CECR2: variants seen among roughly 807,000 people sequenced by gnomAD.
CECR2 encodes chromatin remodeling regulator CECR2.
In CECR2, 30 loss-of-function variants were observed where a neutral mutation model predicts 154.5. The observed-to-expected ratio is 0.19, with a 90% CI of 0.15 to 0.26. The LOEUF (loss-of-function observed/expected upper bound fraction) is 0.26. CECR2 is among the 10% of genes least tolerant of loss of function. The probability of loss-of-function intolerance (pLI) is 1.00; values close to 1 mark genes in which losing one functional copy is unlikely to be tolerated. For synonymous variants in CECR2, 725 were observed against 683.7 expected (o/e 1.06, Z -0.94); for missense variants, 1,743 against 1,829.3 (o/e 0.95, Z 0.86).
intron 1 of CECR2, among the ~76,000 whole-genome samples, chr22:17,453,604 A>G (rs1330547524): frequency 2.6e-5 from 4 of 152,210 alleles, no homozygotes; most frequent in African/African-American, 9.7e-5. Context: ...AGAATAGTTT[A>G]TTACTGTATA....
At chr22:17,455,973 G>A (rs1165499863) in intron 1 of CECR2, among the ~76,000 whole-genome samples, 1 of 152,150 alleles carries the variant, frequency 6.6e-6, no homozygotes, top group African/African-American at 2.4e-5. Context: ...TCTCATATCA[G>A]GGCTCAACTG....
chr22:17,456,809 G>A lies in CECR2; in HGVS notation c.127-20779G>A, dbSNP rs144432110. ...ATAAATTCAGATCTTAGAATAAACA[G>A]GTAACAAAAATGTCATTGTGTTGTA... is the stretch of plus-strand genomic sequence containing the variant. On this transcript the variant is annotated intron_variant, in intron 1 of 18. Coordinates refer to ENST00000262608, the MANE Select transcript of CECR2 (RefSeq NM_001290047.2). Among the ~76,000 whole-genome samples the A allele has an allele frequency of 1.3e-4, 20 of 152,210 alleles. No homozygotes were observed. The East Asian group carries it at 3.5e-3, about 26-fold the overall frequency.
chr22:17,425,397 A>G (rs1038228147), intron 1 of CECR2, among the ~76,000 whole-genome samples: 1 of 152,110 alleles, frequency 6.6e-6, no homozygotes, highest in Non-Finnish European at 1.5e-5. Context: ...TGTGCTTTGT[A>G]ATTCTTACTT....
At chr22:17,425,997 A>G (rs534688570) in intron 1 of CECR2, among the ~76,000 whole-genome samples, 11 of 152,336 alleles carry the variant, frequency 7.2e-5, no homozygotes, top group South Asian at 4.1e-4. Context: ...TTTTAACCAT[A>G]TATCAAGCTA....
rs60634016 is a variant in CECR2, at chr22:17,379,581, GGTGTGTGTGTGTGTGTGTGTGTGT to G, written c.126+9693_126+9716del. Among the ~76,000 whole-genome samples the G allele has an allele frequency of 3.6e-5, 5 of 137,814 alleles. No individual in the cohort carries two copies. In the East Asian group the frequency reaches 6.6e-4, roughly 18 times the overall value. 90.4% of individuals were successfully genotyped at this position (137,814 alleles called of 152,430 possible). On this transcript the variant is annotated intron_variant, in intron 1 of 18. Transcript: ENST00000262608. ...AAAGTTCAGTGGGACCTACGTTGAA[GGTGTGTGTGTGTGTGTGTGTGTGT>G]GTGTGTGTGTGTGTGTGTGTTTGCG...
intron 12 of CECR2, 72 bp downstream of exon 12, chr22:17,538,803 G>T: frequency 7.3e-7 from 1 of 1,373,534 alleles, no homozygotes; most frequent in Non-Finnish European, 1.0e-6. Flanking sequence ...TTTGTTTGTT[G>T]TTAAATATAT....
rs374477111 is a variant in CECR2, at chr22:17,548,676, C to G, written c.3389C>G (p.Ala1130Gly). 1 of 1,613,342 alleles carries G rather than the reference C, an allele frequency of 6.2e-7. No individual in the cohort carries two copies. Among genetic ancestry groups the G allele is most frequent in the South Asian group, 1.1e-5 (1 of 90,950 alleles). Residue 1130 changes from alanine (A) to glycine (G), a missense_variant, in exon 17 of 19, where the codon GCT becomes GGT. By Grantham distance (60) the Ala-to-Gly change is moderately conservative (BLOSUM62 0). Around this residue, in one of 4 missense-constraint regions of CECR2, gnomAD observed 1,250 missense variants for 1,192.1 expected, o/e 1.05. Transcript: ENST00000262608. ...CCTGGCCTAGAGTACCCGAATTCAG[C>G]TGCCCATTACCACATCAGTCCAGGC... The part of the protein sequence containing the change: ...YMPGLEYPNS[A>G]AHYHISPGLQ...
chr22:17,473,581 A>T (rs2097596), intron 1 of CECR2, among the ~76,000 whole-genome samples: 13,222 of 152,288 alleles, frequency 0.087, 607 homozygotes, highest in East Asian at 0.16. Flanking sequence ...GACACTTCGC[A>T]GTTTTTCCAC....
chr22:17,387,873 G>A (rs2063283393), intron 1 of CECR2, among the ~76,000 whole-genome samples: 1 of 151,858 alleles, frequency 6.6e-6, no homozygotes, highest in Non-Finnish European at 1.5e-5. Flanking sequence ...TTCTAAGATA[G>A]GATTAGTGTT....
intron 1 of CECR2, among the ~76,000 whole-genome samples, chr22:17,410,356 GAT>G (rs1569063769): frequency 1.3e-5 from 2 of 152,094 alleles, no homozygotes; most frequent in African/African-American, 2.4e-5. Flanking sequence ...GCCTTGTCAG[GAT>G]TTTTCTAATG....
At chr22:17,440,617 A>C (rs1473803143) in intron 1 of CECR2, among the ~76,000 whole-genome samples, 1 of 152,152 alleles carries the variant, frequency 6.6e-6, no homozygotes, top group African/African-American at 2.4e-5. Context: ...TTATTGATTT[A>C]TTGATCTGAT....
At position 17,554,408 on chromosome 22, in the gene CECR2, A is replaced by C. The variant is rs1432527334; in HGVS notation, c.*1568A>C. On this transcript the variant is annotated 3_prime_UTR_variant, in exon 19 of 19. Transcript: ENST00000262608. ...AGGGGCCAGTAGAGTGTTTCCCTCCAATTCCAGGATTCCTAGTGAAGCATG... is the reference window on the plus strand; with the variant it reads ...AGGGGCCAGTAGAGTGTTTCCCTCCCATTCCAGGATTCCTAGTGAAGCATG... 6.6e-6 allele frequency: 1 copy of C among 152,182 alleles called. No homozygotes were observed. The highest frequency in any genetic ancestry group is 1.5e-5 in the Non-Finnish European group (1 of 68,026). 9.4% of individuals were successfully genotyped at this position (152,182 alleles called of 1,614,324 possible).
chr22:17,364,342 C>CAAAA lies in CECR2; in HGVS notation c.-364+4336_-364+4339dup, dbSNP rs59134897. Among the ~76,000 whole-genome samples, 71 of 52,892 alleles carry CAAAA rather than the reference C, an allele frequency of 1.3e-3. 2 individuals carry two copies. Among genetic ancestry groups the CAAAA allele is most frequent in the African/African-American group, 3.0e-3 (28 of 9,252 alleles). The allele number at this position is 52,892 out of a possible 152,430, so 34.7% of individuals were successfully genotyped here. A position where few individuals can be genotyped will look rare whatever the true frequency, so the allele number is the denominator to read the frequency against. ...TGGACGACAGAGCAAGACTCTGTCT[C>CAAAA]AAAAAAAAAAAAAAAAAAAAGAATT... On this transcript the variant is annotated intron_variant, in intron 1 of 18. Transcript: ENST00000400585.
At chr22:17,401,807 T>C (rs2053896322) in intron 1 of CECR2, among the ~76,000 whole-genome samples, 2 of 151,318 alleles carry the variant, frequency 1.3e-5, no homozygotes, top group South Asian at 4.2e-4. Context: ...GACTGGGTCA[T>C]ATGGTAGGTG....
At chr22:17,410,324 T>C (rs1303207386) in intron 1 of CECR2, among the ~76,000 whole-genome samples, 1 of 152,136 alleles carries the variant, frequency 6.6e-6, no homozygotes, top group Non-Finnish European at 1.5e-5. Context: ...CTACTGACAG[T>C]AGATTTGTTT....
chr22:17,540,759 TGTG>T lies in CECR2; in HGVS notation c.1848_1850del (p.Gly617del), dbSNP rs2056510944. 1.9e-6 allele frequency: 3 copies of T among 1,602,564 alleles called. 1 individual carries two copies. The South Asian group carries it at 3.4e-5, about 18-fold the overall frequency. On this transcript the variant is annotated inframe_deletion, in exon 14 of 19. Transcript: ENST00000262608. ...CCGAGGTTTTTCTCATCCCCTGCAT[TGTG>T]GTGGGACACCCAGCCAGGCACCCTT... is the stretch of plus-strand genomic sequence containing the variant.
intron 1 of CECR2, among the ~76,000 whole-genome samples, chr22:17,467,782 C>CA (rs1184187046): frequency 1.4e-5 from 2 of 143,860 alleles, no homozygotes; most frequent in African/African-American, 5.2e-5. Context: ...AACTCAGTCT[C>CA]AAAAAAAAGA....
rs547858959 is a variant in CECR2, at chr22:17,445,323, G to A, written c.127-32265G>A. Among the ~76,000 whole-genome samples the A allele has an allele frequency of 1.2e-4, 19 of 152,064 alleles. No individual in the cohort carries two copies. The South Asian group carries it at 3.3e-3, about 27-fold the overall frequency. On this transcript the variant is annotated intron_variant, in intron 1 of 18. Transcript: ENST00000262608. Reference sequence around the variant, plus strand: ...AGGAGACCAGTCTAGGTGACAGAGCGAGACCCTGCCTCTAGAAAATAATAA... The same window carrying A: ...AGGAGACCAGTCTAGGTGACAGAGCAAGACCCTGCCTCTAGAAAATAATAA...
intron 16 of CECR2, among the ~76,000 whole-genome samples, chr22:17,544,814 A>T (rs1471524552): frequency 1.1e-4 from 17 of 147,898 alleles, no homozygotes; most frequent in African/African-American, 4.2e-4. Flanking sequence ...TGTCTCAAAA[A>T]AAAAAAAAAA....
Sources: gnomAD v4.1 joint callset for allele counts (sites outside exome capture counted in the v4.1 genomes callset) on GRCh38, gnomAD v4.1.1 for gene constraint, gnomAD v4.1.1 regional missense constraint, MANE v1.5 for transcripts, NCBI Gene and HGNC (gene_info 2026-07-23, HGNC 2026-07-21) for gene names.